Variants in ADAMTSL3 observed in about 807,000 individuals in gnomAD.
ADAMTSL3 encodes the protein ADAMTS like 3.
A neutral mutation model predicts 201.7 loss-of-function variants in ADAMTSL3; 128 were observed. The observed-to-expected ratio is 0.63, with a 90% CI of 0.55 to 0.73. The LOEUF is 0.73. ADAMTSL3 is among the 30% of genes least tolerant of loss of function. ADAMTSL3 has a pLI of 0.00. For synonymous variants in ADAMTSL3, 738 were observed against 748.4 expected, an observed-to-expected ratio of 0.99 and a Z score of 0.23; for missense variants, 1,990 against 2,119.6, an observed-to-expected ratio of 0.94 and a Z score of 1.20.
At chr15:83,858,239 G>A (rs1400424944) in intron 7 of ADAMTSL3, among the ~76,000 whole-genome samples, 1 of 152,172 alleles carries the variant, frequency 6.6e-6, no homozygotes, top group Non-Finnish European at 1.5e-5. Flanking sequence ...ACATGGATTG[G>A]GCCATGAGAG....
chr15:83,879,879 A>G (rs2065239862), intron 9 of ADAMTSL3, among the ~76,000 whole-genome samples: 2 of 152,158 alleles, frequency 1.3e-5, no homozygotes, highest in African/African-American at 4.8e-5. Context: ...AAGTATGTTC[A>G]CATTTAGAAT....
intron 4 of ADAMTSL3, among the ~76,000 whole-genome samples, chr15:83,780,319 A>C (rs1290315171): frequency 6.6e-6 from 1 of 151,512 alleles, no homozygotes; most frequent in East Asian, 2.0e-4. Context: ...CTGAGGCAGG[A>C]GAATCACTTG....
chr15:84,002,324 A>G (rs1403545257), intron 23 of ADAMTSL3, among the ~76,000 whole-genome samples: 4 of 152,204 alleles, frequency 2.6e-5, no homozygotes, highest in Non-Finnish European at 5.9e-5. Context: ...GAAGCATTCA[A>G]GTACAGCCTT....
At chr15:83,658,767 T>C (rs1260405781) in intron 2 of ADAMTSL3, among the ~76,000 whole-genome samples, 1 of 152,240 alleles carries the variant, frequency 6.6e-6, no homozygotes, top group Non-Finnish European at 1.5e-5. Context: ...TTCCAAACTT[T>C]ATCTAGCCTG....
chr15:83,821,159 T>C lies in ADAMTSL3; in HGVS notation c.600+1112T>C. On this transcript the variant is annotated intron_variant, in intron 6 of 29. Transcript: ENST00000286744. ...ATTATAGGATTCTGCATCTATTCTT[T>C]TGACTTCTGAAAAATATTTTTTTTT... 3.3e-5 allele frequency among the ~76,000 whole-genome samples: 5 copies of C among 152,278 alleles called. No individual in the cohort carries two copies. In the South Asian group the frequency reaches 1.0e-3, roughly 32 times the overall value.
At chr15:83,866,365 T>C (rs145421629) in intron 8 of ADAMTSL3, among the ~76,000 whole-genome samples, 2,137 of 152,250 alleles carry the variant, frequency 0.014, 44 homozygotes, top group African/African-American at 0.048. Flanking sequence ...AACCCAAATG[T>C]GTAACAATGA....
intron 6 of ADAMTSL3, among the ~76,000 whole-genome samples, chr15:83,825,515 G>A (rs2064003424): frequency 6.6e-6 from 1 of 152,006 alleles, no homozygotes; most frequent in South Asian, 2.1e-4. Context: ...TGCTACTCAG[G>A]TACCTGAGGC....
intron 23 of ADAMTSL3, among the ~76,000 whole-genome samples, chr15:84,002,223 T>C (rs58824810): frequency 0.11 from 17,140 of 152,116 alleles, 1,128 homozygotes; most frequent in East Asian, 0.34. Flanking sequence ...CAGGAGGGGC[T>C]CTTCAAACAC....
intron 15 of ADAMTSL3, among the ~76,000 whole-genome samples, chr15:83,909,481 T>C (rs2065896048): frequency 6.6e-6 from 1 of 152,222 alleles, no homozygotes; most frequent in Non-Finnish European, 1.5e-5. Flanking sequence ...AATCCAGTTA[T>C]CTTCAATATT....
intron 4 of ADAMTSL3, among the ~76,000 whole-genome samples, 198 bp downstream of exon 4, chr15:83,773,848 G>A (rs908390610): frequency 6.6e-5 from 10 of 152,152 alleles, no homozygotes; most frequent in Admixed American, 1.3e-4. Flanking sequence ...GCCATGTTGC[G>A]CACAGGACCC....
chr15:83,926,314 T>G (rs1187510226), intron 17 of ADAMTSL3, among the ~76,000 whole-genome samples: 1 of 152,124 alleles, frequency 6.6e-6, no homozygotes, highest in Non-Finnish European at 1.5e-5. Context: ...GAGATAGGAA[T>G]GGGCAAGGGC....
At chr15:83,692,188 T>A (rs1030641264) in intron 2 of ADAMTSL3, among the ~76,000 whole-genome samples, 2 of 152,110 alleles carry the variant, frequency 1.3e-5, no homozygotes, top group Non-Finnish European at 2.9e-5. Flanking sequence ...ATGGCTTTGT[T>A]ACCATTGTAT....
At chr15:83,864,153 G>A (rs528630806) in intron 8 of ADAMTSL3, among the ~76,000 whole-genome samples, 1 of 152,314 alleles carries the variant, frequency 6.6e-6, no homozygotes, top group East Asian at 1.9e-4. Flanking sequence ...TCCAGGACCA[G>A]ATGGATTCAC....
rs192201423 is a variant in ADAMTSL3, at chr15:83,788,854, C to T, written c.317+15204C>T. Among the ~76,000 whole-genome samples, 340 of 152,118 alleles carry T rather than the reference C, an allele frequency of 2.2e-3. 3 individuals are homozygous for T. The highest frequency in any genetic ancestry group is 1.3e-3 in the Non-Finnish European group (90 of 67,978). On this transcript the variant is annotated intron_variant, in intron 4 of 29. Coordinates refer to ENST00000286744, the MANE Select transcript of ADAMTSL3 (RefSeq NM_207517.3). ...GACAGAGTCTTGCTCTTGTCACCCACGCTGGAGTGCAGTGGCTTGATCTTG... is the reference window on the plus strand; with the variant it reads ...GACAGAGTCTTGCTCTTGTCACCCATGCTGGAGTGCAGTGGCTTGATCTTG...
intron 26 of ADAMTSL3, among the ~76,000 whole-genome samples, chr15:84,024,700 T>C (rs1467344027): frequency 2.0e-5 from 3 of 152,144 alleles, no homozygotes; most frequent in South Asian, 2.1e-4. Context: ...GCATGAACTT[T>C]AGAGTCAGAT....
At chr15:84,015,758 A>G (rs2068078236) in intron 24 of ADAMTSL3, among the ~76,000 whole-genome samples, 1 of 152,136 alleles carries the variant, frequency 6.6e-6, no homozygotes, top group Non-Finnish European at 1.5e-5. Flanking sequence ...TTCTTGAATG[A>G]TTTATCCATG....
At chr15:83,940,573 A>G (rs76642450) in intron 17 of ADAMTSL3, among the ~76,000 whole-genome samples, 1 of 152,206 alleles carries the variant, frequency 6.6e-6, no homozygotes, top group Non-Finnish European at 1.5e-5. Context: ...CAAAGGTCCC[A>G]TCTCTAAATA....
intron 10 of ADAMTSL3, among the ~76,000 whole-genome samples, chr15:83,888,749 T>A (rs765769888): frequency 1.3e-5 from 2 of 152,224 alleles, no homozygotes; most frequent in Non-Finnish European, 2.9e-5. Context: ...TAACATTTTA[T>A]TGACTCCATT....
intron 10 of ADAMTSL3, among the ~76,000 whole-genome samples, chr15:83,888,427 C>A (rs1024584677): frequency 9.9e-5 from 15 of 151,786 alleles, no homozygotes; most frequent in African/African-American, 3.4e-4. Flanking sequence ...ACTCAAGGAG[C>A]TGTAATCTCA....
Sources: gnomAD v4.1 joint callset for allele counts (sites outside exome capture counted in the v4.1 genomes callset) on GRCh38, gnomAD v4.1.1 for gene constraint, MANE v1.5 for transcripts, NCBI Gene and HGNC (gene_info 2026-07-23, HGNC 2026-07-21) for gene names.